Variants in GRID1 observed in about 807,000 individuals in gnomAD.
GRID1 encodes glutamate receptor ionotropic, delta-1.
In GRID1, 28 loss-of-function variants were observed where a neutral mutation model predicts 98.0. That is an observed-to-expected ratio of 0.29 (90% confidence interval 0.21 to 0.39). The LOEUF (loss-of-function observed/expected upper bound fraction) is 0.39. Among genes scored for constraint, GRID1 ranks in the 10% least tolerant of loss-of-function variants. GRID1 has a pLI of 1.00. For synonymous variants in GRID1, 553 were observed against 538.5 expected, an observed-to-expected ratio of 1.03 and a Z score of -0.37; for missense variants, 1,111 against 1,340.5, an observed-to-expected ratio of 0.83 and a Z score of 2.67.
intron 4 of GRID1, among the ~76,000 whole-genome samples, chr10:86,136,456 G>T (rs559627340): frequency 6.6e-6 from 1 of 152,210 alleles, no homozygotes; most frequent in Non-Finnish European, 1.5e-5. Context: ...GAAGAGAGGG[G>T]CTCTGGAGGG....
At chr10:86,140,595 C>A (rs527726161) in intron 3 of GRID1, among the ~76,000 whole-genome samples, 1 of 152,278 alleles carries the variant, frequency 6.6e-6, no homozygotes, top group South Asian at 2.1e-4. Context: ...AGCACCATGG[C>A]CATCGTAATG....
intron 8 of GRID1, among the ~76,000 whole-genome samples, chr10:85,766,730 TTG>T (rs35691322): frequency 0.047 from 6,459 of 138,336 alleles, 154 homozygotes; most frequent in South Asian, 0.082. Flanking sequence ...AGGCAGATGA[TTG>T]TGTGTGTGTG....
At chr10:86,154,213 G>T (rs1845211294) in intron 3 of GRID1, among the ~76,000 whole-genome samples, 1 of 152,194 alleles carries the variant, frequency 6.6e-6, no homozygotes. Context: ...GGAACGCTGG[G>T]TGAGGGGAGT....
At chr10:86,283,857 C>A (rs1262978239) in intron 2 of GRID1, among the ~76,000 whole-genome samples, 1 of 150,774 alleles carries the variant, frequency 6.6e-6, no homozygotes, top group East Asian at 2.0e-4. Context: ...CACACCTGTC[C>A]TCTCACACAC....
At chr10:85,957,126 A>G (rs1842204620) in intron 4 of GRID1, among the ~76,000 whole-genome samples, 1 of 152,182 alleles carries the variant, frequency 6.6e-6, no homozygotes, top group Admixed American at 6.5e-5. Context: ...AACCGCCCCC[A>G]TGATCTAATC....
intron 8 of GRID1, among the ~76,000 whole-genome samples, chr10:85,812,599 C>A (rs1220170820): frequency 6.6e-6 from 1 of 152,014 alleles, no homozygotes; most frequent in African/African-American, 2.4e-5. Flanking sequence ...CCATTACAGC[C>A]CAGCCCTTCT....
At chr10:86,166,278 G>A (rs1042903672) in intron 3 of GRID1, among the ~76,000 whole-genome samples, 1 of 152,110 alleles carries the variant, frequency 6.6e-6, no homozygotes, top group Admixed American at 6.5e-5. Context: ...CAGAATGGGA[G>A]AAAATTTTTA....
At chr10:85,800,135 C>T (rs976639410) in intron 8 of GRID1, among the ~76,000 whole-genome samples, 2 of 150,224 alleles carry the variant, frequency 1.3e-5, no homozygotes, top group African/African-American at 4.9e-5. Flanking sequence ...ATAAATTAGT[C>T]ACAAGATATA....
rs116161025 is a variant in GRID1 at position 85,995,781 on chromosome 10, C to A, written c.727-79542G>T. On this transcript the variant is annotated intron_variant, in intron 4 of 15. Transcript: ENST00000327946. Reference sequence around the variant, plus strand: ...TCCAAAGCCACAGCTGATTGGAGAACCATCAAAGAGTCCCTCAGAATAGGA... The same window carrying A: ...TCCAAAGCCACAGCTGATTGGAGAAACATCAAAGAGTCCCTCAGAATAGGA... Among the ~76,000 whole-genome samples the A allele has an allele frequency of 9.4e-3, 1,435 of 152,270 alleles. 24 individuals carry two copies. Among genetic ancestry groups the A allele is most frequent in the African/African-American group, 0.032 (1,333 of 41,534 alleles).
At chr10:86,170,414 C>T (rs1284842053) in intron 3 of GRID1, among the ~76,000 whole-genome samples, 1 of 152,264 alleles carries the variant, frequency 6.6e-6, no homozygotes, top group Non-Finnish European at 1.5e-5. Flanking sequence ...TTGAGGCCTA[C>T]AGGAGATAAT....
intron 15 of GRID1, chr10:85,605,460 G>A (rs965458247): frequency 1.3e-5 from 2 of 152,164 alleles, no homozygotes; most frequent in South Asian, 2.1e-4. Flanking sequence ...TCATTTCCAC[G>A]GAAGGGAAAC....
chr10:85,839,032 T>C (rs1842937554), intron 8 of GRID1, among the ~76,000 whole-genome samples: 1 of 152,040 alleles, frequency 6.6e-6, no homozygotes, highest in African/African-American at 2.4e-5. Flanking sequence ...TCAATAAAGA[T>C]AAAAAAAGAC....
chr10:85,870,516 C>G (rs117417906), intron 5 of GRID1, among the ~76,000 whole-genome samples: 6,625 of 152,320 alleles, frequency 0.043, 222 homozygotes, highest in Non-Finnish European at 0.067. Flanking sequence ...TTAGTCCTAT[C>G]CCTCTAGAGA....
chr10:86,015,578 C>T (rs1351217631), intron 4 of GRID1, among the ~76,000 whole-genome samples: 1 of 152,220 alleles, frequency 6.6e-6, no homozygotes, highest in South Asian at 2.1e-4. Flanking sequence ...GAGGAAGTGG[C>T]AGGGCGAGTG....
At chr10:85,849,052 T>C (rs1024552111) in intron 8 of GRID1, among the ~76,000 whole-genome samples, 1 of 152,172 alleles carries the variant, frequency 6.6e-6, no homozygotes, top group African/African-American at 2.4e-5. Context: ...TCCTCACTGC[T>C]GTGCCCACTT....
chr10:86,169,825 T>C (rs552678186), intron 3 of GRID1, among the ~76,000 whole-genome samples: 206 of 152,236 alleles, frequency 1.4e-3, no homozygotes, highest in Non-Finnish European at 1.4e-3. Flanking sequence ...TCCTGGGAGA[T>C]TTACCGCTGA....
intron 4 of GRID1, among the ~76,000 whole-genome samples, chr10:85,988,100 A>G (rs1343188640): frequency 6.6e-6 from 1 of 152,002 alleles, no homozygotes; most frequent in Non-Finnish European, 1.5e-5. Context: ...TCTTATTCCT[A>G]CTCATCCCTC....
chr10:85,781,314 A>T (rs1274798596), intron 8 of GRID1, among the ~76,000 whole-genome samples: 2 of 152,214 alleles, frequency 1.3e-5, no homozygotes, highest in Non-Finnish European at 2.9e-5. Flanking sequence ...TCATTTGGGG[A>T]AGAACATTTC....
At chr10:85,970,514 A>G (rs962100548) in intron 4 of GRID1, among the ~76,000 whole-genome samples, 14 of 152,108 alleles carry the variant, frequency 9.2e-5, no homozygotes, top group African/African-American at 3.4e-4. Flanking sequence ...TTTGTTTAAC[A>G]TCTGAAAACC....
Sources: allele counts gnomAD v4.1 joint callset (sites outside exome capture counted in the v4.1 genomes callset), GRCh38; gene constraint gnomAD v4.1.1; transcripts MANE v1.5; gene names NCBI Gene and HGNC (gene_info 2026-07-23, HGNC 2026-07-21).